MED12L: variants seen among roughly 807,000 people sequenced by gnomAD.
The protein encoded by MED12L is mediator of RNA polymerase II transcription subunit 12-like protein.
In MED12L, 60 loss-of-function variants were observed where a neutral mutation model predicts 281.3. The observed-to-expected ratio is 0.21, with a 90% confidence interval of 0.17 to 0.26. The LOEUF (loss-of-function observed/expected upper bound fraction) is 0.26, where lower values mean the gene tolerates loss of function less well. Among genes scored for constraint, MED12L ranks in the 10% least tolerant of loss-of-function variants. The probability of loss-of-function intolerance (pLI) is 1.00; values close to 1 mark genes in which losing one functional copy is unlikely to be tolerated. For missense variants in MED12L, 2,146 were observed against 2,680.9 expected, an observed-to-expected ratio of 0.80 and a Z score of 4.41; for synonymous variants, 974 against 987.2, an observed-to-expected ratio of 0.99 and a Z score of 0.25.
Position 151,357,390 on chromosome 3 carries a change from ATGTCAT to A in MED12L, c.2825+18_2825+23del. The stretch of plus-strand genomic sequence containing the variant: ...GGTGTTTGAAGGGTTGGTATATAGC[ATGTCAT>A]TGTTGTTTTTCCAATCTCAGAATGT... On this transcript the variant is annotated intron_variant, in intron 20 of 44. Coordinates refer to ENST00000687756, the MANE Select transcript of MED12L (RefSeq NM_001393769.1). 6.4e-7 allele frequency: 1 copy of A among 1,552,268 alleles called. No homozygotes were observed. Among genetic ancestry groups the A allele is most frequent in the South Asian group, 1.2e-5 (1 of 82,348 alleles).
chr3:151,374,045 C>T (rs911940411), intron 27 of MED12L, among the ~76,000 whole-genome samples: 2 of 152,116 alleles, frequency 1.3e-5, no homozygotes, highest in Admixed American at 6.5e-5. Context: ...AATCCAACCC[C>T]ACAAAGTTGT....
intron 16 of MED12L, among the ~76,000 whole-genome samples, chr3:151,226,753 G>A (rs529682857): frequency 1.8e-4 from 27 of 152,298 alleles, no homozygotes; most frequent in Non-Finnish European, 1.2e-4. Context: ...CTGCGGCATA[G>A]AGAACCTCCT....
intron 16 of MED12L, among the ~76,000 whole-genome samples, chr3:151,251,795 A>G (rs758268721): frequency 1.3e-5 from 2 of 152,192 alleles, no homozygotes; most frequent in East Asian, 1.9e-4. Context: ...CTGAATTTGA[A>G]TTGCATTTTA....
intron 2 of MED12L, among the ~76,000 whole-genome samples, chr3:151,087,369 C>A (rs925255412): frequency 1.3e-5 from 2 of 152,228 alleles, no homozygotes; most frequent in African/African-American, 2.4e-5. Context: ...CTTGCCGCTT[C>A]GGTAAATCGT....
chr3:151,169,508 T>C (rs1180676569), intron 11 of MED12L, among the ~76,000 whole-genome samples: 2 of 152,202 alleles, frequency 1.3e-5, no homozygotes, highest in African/African-American at 4.8e-5. Context: ...GCTGGTGATC[T>C]TGAGTAAGTT....
intron 16 of MED12L, among the ~76,000 whole-genome samples, chr3:151,268,117 GT>G (rs1258270076): frequency 4.6e-5 from 7 of 151,948 alleles, no homozygotes; most frequent in Admixed American, 2.6e-4. Context: ...TTCTTTTTAT[GT>G]TTTCAGCTTA....
At chr3:151,171,000 G>A (rs1721356361) in intron 11 of MED12L, among the ~76,000 whole-genome samples, 1 of 152,182 alleles carries the variant, frequency 6.6e-6, no homozygotes, top group Admixed American at 6.5e-5. Flanking sequence ...AGATCTGCAT[G>A]TAAACTTTCC....
At chr3:151,295,201 C>A in intron 16 of MED12L, 1 of 1,604,618 alleles carries the variant, frequency 6.2e-7, no homozygotes, top group Non-Finnish European at 8.5e-7. Flanking sequence ...CTTGGCCGTG[C>A]AGCTCGTTAT....
chr3:151,143,845 A>G (rs1409272841), intron 5 of MED12L, among the ~76,000 whole-genome samples: 1 of 152,210 alleles, frequency 6.6e-6, no homozygotes, highest in Non-Finnish European at 1.5e-5. Context: ...TCACATGTAG[A>G]AGGCTGTGGG....
intron 16 of MED12L, among the ~76,000 whole-genome samples, chr3:151,249,334 A>C (rs1003077208): frequency 4.6e-5 from 7 of 152,170 alleles, no homozygotes; most frequent in African/African-American, 1.7e-4. Context: ...TTTAAGTTGT[A>C]ATTCACATGG....
At chr3:151,314,663 G>T (rs951487934) in intron 16 of MED12L, among the ~76,000 whole-genome samples, 1 of 152,118 alleles carries the variant, frequency 6.6e-6, no homozygotes, top group Non-Finnish European at 1.5e-5. Context: ...GGCAGAATTG[G>T]GAAGGTCCTC....
intron 2 of MED12L, among the ~76,000 whole-genome samples, chr3:151,115,046 A>T (rs566585012): frequency 2.6e-4 from 40 of 152,322 alleles, no homozygotes; most frequent in South Asian, 6.2e-4. Flanking sequence ...GGGCATGAAG[A>T]TACATACCTA....
chr3:151,124,446 G>A (rs1483650832), intron 4 of MED12L, among the ~76,000 whole-genome samples: 1 of 152,144 alleles, frequency 6.6e-6, no homozygotes, highest in Non-Finnish European at 1.5e-5. Flanking sequence ...TTCATTTCTT[G>A]AGCATTTCAA....
chr3:151,384,080 T>G lies in MED12L; in HGVS notation c.4791-3T>G. The G allele has an allele frequency of 6.2e-7, 1 of 1,609,430 alleles. No homozygotes were observed. Among genetic ancestry groups the G allele is most frequent in the Non-Finnish European group, 8.5e-7 (1 of 1,178,410 alleles). On this transcript the variant is annotated splice_polypyrimidine_tract_variant and splice_region_variant and intron_variant, in intron 34 of 44. Transcript: ENST00000687756. ...AGATGAAAATAATTATTTTCTTTCTTAGTGAATTATTCACAACAGTTCTTG... is the reference window on the plus strand; with the variant it reads ...AGATGAAAATAATTATTTTCTTTCTGAGTGAATTATTCACAACAGTTCTTG...
chr3:151,113,560 G>T (rs145879890), intron 2 of MED12L, among the ~76,000 whole-genome samples: 131 of 152,366 alleles, frequency 8.6e-4, no homozygotes, highest in Admixed American at 1.4e-3. Flanking sequence ...CCAGTTAGGA[G>T]ACATTGCATT....
At chr3:151,428,306 T>A (rs1013265541) in intron 43 of MED12L, among the ~76,000 whole-genome samples, 1 of 152,202 alleles carries the variant, frequency 6.6e-6, no homozygotes, top group African/African-American at 2.4e-5. Flanking sequence ...ATAAAAACTA[T>A]TGAATAGAAA....
At chr3:151,298,338 TA>T (rs1745376552) in intron 16 of MED12L, among the ~76,000 whole-genome samples, 5 of 152,244 alleles carry the variant, frequency 3.3e-5, no homozygotes, top group Non-Finnish European at 7.3e-5. Flanking sequence ...GAAACATCTT[TA>T]ATTGACAGTA....
At chr3:151,278,088 G>A (rs751341243) in intron 16 of MED12L, among the ~76,000 whole-genome samples, 1 of 152,070 alleles carries the variant, frequency 6.6e-6, no homozygotes, top group African/African-American at 2.4e-5. Flanking sequence ...TTTCAGTATT[G>A]GATCCCCATA....
chr3:151,334,666 A>G (rs932532511), intron 16 of MED12L, among the ~76,000 whole-genome samples: 7 of 151,944 alleles, frequency 4.6e-5, no homozygotes, highest in Admixed American at 4.6e-4. Context: ...CGCCCAGCTA[A>G]TTTTTATTTT....
Sources: allele counts gnomAD v4.1 joint callset (sites outside exome capture counted in the v4.1 genomes callset), GRCh38; gene constraint gnomAD v4.1.1; transcripts MANE v1.5; gene names NCBI Gene and HGNC (gene_info 2026-07-23, HGNC 2026-07-21).